The following NRG3 variants were observed in gnomAD, a reference collection of about 807,000 sequenced individuals.
NRG3 encodes the protein neuregulin 3.
A neutral mutation model predicts 66.9 loss-of-function variants in NRG3; 31 were observed. That is an observed-to-expected ratio of 0.46 (90% CI 0.35 to 0.63). NRG3 has a LOEUF of 0.63. Among genes scored for constraint, NRG3 ranks in the 20% least tolerant of loss-of-function variants. The pLI, the probability that NRG3 is intolerant of heterozygous loss-of-function variation, is 0.00. For synonymous variants in NRG3, 393 were observed against 359.4 expected (o/e 1.09, Z -1.06); for missense variants, 910 against 878.9 (o/e 1.04, Z -0.45).
intron 1 of NRG3, among the ~76,000 whole-genome samples, chr10:82,003,169 T>C (rs1445898717): frequency 6.6e-6 from 1 of 152,106 alleles, no homozygotes; most frequent in Non-Finnish European, 1.5e-5. Flanking sequence ...TTTCTTGATT[T>C]ATGGGTAGGT....
intron 2 of NRG3, among the ~76,000 whole-genome samples, chr10:82,480,925 C>T (rs564740742): frequency 6.6e-6 from 1 of 152,328 alleles, no homozygotes; most frequent in East Asian, 1.9e-4. Context: ...TGTTGGAGGA[C>T]GATTTGGCTA....
At chr10:82,003,657 A>C (rs770659799) in intron 1 of NRG3, among the ~76,000 whole-genome samples, 13 of 152,202 alleles carry the variant, frequency 8.5e-5, no homozygotes, top group Non-Finnish European at 1.8e-4. Context: ...TAGATTTGGC[A>C]ACATGGAAAT....
At chr10:82,319,100 C>A (rs2081430695) in intron 1 of NRG3, among the ~76,000 whole-genome samples, 1 of 152,246 alleles carries the variant, frequency 6.6e-6, no homozygotes. Flanking sequence ...TGCAACCCAG[C>A]TGCATGCTCT....
intron 2 of NRG3, among the ~76,000 whole-genome samples, chr10:82,664,256 C>T (rs771280101): frequency 6.6e-6 from 1 of 152,074 alleles, no homozygotes; most frequent in Admixed American, 6.5e-5. Flanking sequence ...TCTGTCATTA[C>T]TCTCTGCACC....
intron 1 of NRG3, among the ~76,000 whole-genome samples, chr10:82,255,404 T>G (rs2077670780): frequency 6.6e-6 from 1 of 152,192 alleles, no homozygotes; most frequent in Non-Finnish European, 1.5e-5. Flanking sequence ...CTGAATAGAC[T>G]GTGGACTTTA....
intron 1 of NRG3, among the ~76,000 whole-genome samples, chr10:82,187,384 A>G (rs1196065555): frequency 6.6e-6 from 1 of 152,158 alleles, no homozygotes; most frequent in Non-Finnish European, 1.5e-5. Flanking sequence ...TCAGTTTATG[A>G]TAGCTATTGA....
intron 1 of NRG3, among the ~76,000 whole-genome samples, chr10:82,314,374 C>A (rs2081186398): frequency 6.6e-6 from 1 of 151,936 alleles, no homozygotes; most frequent in South Asian, 2.1e-4. Flanking sequence ...TCTAAAATTG[C>A]CAGATGTCAG....
At chr10:82,415,485 A>G (rs566233762) in intron 2 of NRG3, among the ~76,000 whole-genome samples, 148 of 152,314 alleles carry the variant, frequency 9.7e-4, no homozygotes, top group African/African-American at 3.2e-3. Flanking sequence ...ATTATGCTAC[A>G]TAAAATTATT....
rs953858375 is a variant in NRG3, at chr10:82,461,265, A to G, written c.953+102397A>G. Reference sequence around the variant, plus strand: ...ACCACCACTGCCACCACCACCATCGACACCATCACAAATACCATTGTGACA... The same window carrying G: ...ACCACCACTGCCACCACCACCATCGGCACCATCACAAATACCATTGTGACA... On this transcript the variant is annotated intron_variant, in intron 2 of 8. Transcript: ENST00000372141. Among the ~76,000 whole-genome samples the G allele has an allele frequency of 2.0e-5, 3 of 151,100 alleles. No homozygotes were observed. In the East Asian group the frequency reaches 5.8e-4, roughly 29 times the overall value.
At chr10:82,893,417 C>A (rs761704291) in intron 4 of NRG3, among the ~76,000 whole-genome samples, 1 of 152,118 alleles carries the variant, frequency 6.6e-6, no homozygotes, top group Non-Finnish European at 1.5e-5. Flanking sequence ...GGGCCAGGCG[C>A]GGTGGCTCAC....
At position 81,963,151 on chromosome 10, in the gene NRG3, T is replaced by TTTG. The variant is rs745834169; in HGVS notation, c.823+86988_823+86989insTTG. ...TTTTTTTTTTTTTTTTTTTTTTTTT[T>TTTG]GAGACGGAGTCTCGCTCTGTCGCCC... On this transcript the variant is annotated intron_variant, in intron 1 of 8. Coordinates refer to ENST00000372141, the MANE Select transcript of NRG3 (RefSeq NM_001010848.4). Among the ~76,000 whole-genome samples, 368 of 135,488 alleles carry TTTG rather than the reference T, an allele frequency of 2.7e-3. 14 individuals are homozygous for TTTG. The highest frequency in any genetic ancestry group is 4.5e-3 in the Non-Finnish European group (282 of 62,088). The allele number at this position is 135,488 out of a possible 152,430, so 88.9% of individuals were successfully genotyped here. A position where few individuals can be genotyped will look rare whatever the true frequency, so the allele number is the denominator to read the frequency against.
intron 3 of NRG3, among the ~76,000 whole-genome samples, chr10:82,819,609 T>A (rs2061859690): frequency 6.6e-6 from 1 of 152,218 alleles, no homozygotes; most frequent in Admixed American, 6.5e-5. Flanking sequence ...AAGATTCTTA[T>A]GAGTATCTGA....
At chr10:82,753,862 G>A (rs990206880) in intron 3 of NRG3, among the ~76,000 whole-genome samples, 3 of 151,376 alleles carry the variant, frequency 2.0e-5, no homozygotes, top group Non-Finnish European at 4.4e-5. Flanking sequence ...CAGGAGAATT[G>A]CTTGAGCCAG....
At chr10:81,985,509 C>T (rs989256502) in intron 1 of NRG3, among the ~76,000 whole-genome samples, 14 of 152,206 alleles carry the variant, frequency 9.2e-5, no homozygotes, top group African/African-American at 3.4e-4. Context: ...ATTTCTAACA[C>T]ATCCCAGCAA....
At chr10:81,907,128 A>G (rs1332174236) in intron 1 of NRG3, among the ~76,000 whole-genome samples, 2 of 152,192 alleles carry the variant, frequency 1.3e-5, no homozygotes, top group Admixed American at 6.5e-5. Context: ...TCTAGCTTCC[A>G]TTTGTTACCT....
intron 2 of NRG3, among the ~76,000 whole-genome samples, chr10:82,477,727 G>A (rs1449625075): frequency 2.0e-5 from 3 of 152,198 alleles, no homozygotes; most frequent in Non-Finnish European, 4.4e-5. Context: ...TTTGATGAAT[G>A]TCAAGGCTGA....
At position 82,172,061 on chromosome 10, in the gene NRG3, G is replaced by A. The variant is rs1005399044; in HGVS notation, c.824-186678G>A. On this transcript the variant is annotated intron_variant, in intron 1 of 8. Coordinates refer to ENST00000372141, the MANE Select transcript of NRG3 (RefSeq NM_001010848.4). ...TGTTTGGGGTTGATGAAAATGCCCC[G>A]TATCACATCAGTAGCAGCCAGTGAT... 5.9e-5 allele frequency among the ~76,000 whole-genome samples: 9 copies of A among 152,170 alleles called. No individual in the cohort carries two copies. In the South Asian group the frequency reaches 6.2e-4, roughly 11 times the overall value.
intron 1 of NRG3, among the ~76,000 whole-genome samples, chr10:82,357,161 T>G (rs911353631): frequency 1.3e-5 from 2 of 152,180 alleles, no homozygotes; most frequent in African/African-American, 4.8e-5. Flanking sequence ...CTTGGTATTT[T>G]GGGGAAATAG....
At chr10:82,745,445 G>T (rs959638491) in intron 3 of NRG3, among the ~76,000 whole-genome samples, 2 of 152,140 alleles carry the variant, frequency 1.3e-5, no homozygotes, top group Non-Finnish European at 2.9e-5. Context: ...ACTGGCATCT[G>T]CTGGGAATAC....
Sources: allele counts gnomAD v4.1 joint callset (sites outside exome capture counted in the v4.1 genomes callset), GRCh38; gene constraint gnomAD v4.1.1; transcripts MANE v1.5; gene names NCBI Gene and HGNC (gene_info 2026-07-23, HGNC 2026-07-21).